The following USP34 variants were observed in gnomAD, a reference collection of about 807,000 sequenced individuals.
The protein encoded by USP34 is ubiquitin carboxyl-terminal hydrolase 34.
In USP34, 70 loss-of-function variants were observed where a neutral mutation model predicts 460.3. That is an observed-to-expected ratio of 0.15 (90% CI 0.13 to 0.19). USP34 has a LOEUF of 0.19. Among genes scored for constraint, USP34 ranks in the 10% least tolerant of loss-of-function variants. The pLI, the probability that USP34 is intolerant of heterozygous loss-of-function variation, is 1.00. For missense variants in USP34, 3,985 were observed against 4,236.2 expected (o/e 0.94, Z 1.65); for synonymous variants, 1,647 against 1,405.3 (o/e 1.17, Z -3.85).
chr2:61,219,927 A>G (rs934642937), intron 67 of USP34, among the ~76,000 whole-genome samples: 4 of 151,986 alleles, frequency 2.6e-5, no homozygotes, highest in Non-Finnish European at 4.4e-5. Context: ...TGTACAACTT[A>G]AAGTGTTTAT....
At chr2:61,267,760 C>A (rs12615222) in intron 41 of USP34, among the ~76,000 whole-genome samples, 1 of 151,700 alleles carries the variant, frequency 6.6e-6, no homozygotes. Context: ...ACTACAGGCG[C>A]CCACCACAAC....
At chr2:61,338,164 T>C (rs1025442665) in intron 18 of USP34, among the ~76,000 whole-genome samples, 1 of 151,986 alleles carries the variant, frequency 6.6e-6, no homozygotes, top group African/African-American at 2.4e-5. Context: ...TCTATGAAAG[T>C]ACAAAAATTA....
intron 1 of USP34, among the ~76,000 whole-genome samples, chr2:61,457,222 G>T (rs1695465977): frequency 1.3e-5 from 2 of 152,214 alleles, no homozygotes; most frequent in Non-Finnish European, 2.9e-5. Context: ...ACTACAGTGA[G>T]CCGTGATCGT....
chr2:61,460,471 C>T (rs546214185), intron 1 of USP34, among the ~76,000 whole-genome samples: 10 of 151,820 alleles, frequency 6.6e-5, no homozygotes, highest in Admixed American at 3.9e-4. Context: ...GCAAGAGCAG[C>T]GATACTAGTA....
chr2:61,245,705 G>T (rs1328840135), intron 50 of USP34, among the ~76,000 whole-genome samples: 1 of 152,006 alleles, frequency 6.6e-6, no homozygotes, highest in East Asian at 1.9e-4. Flanking sequence ...GGACCTGATG[G>T]GTGAAGGAGT....
intron 1 of USP34, among the ~76,000 whole-genome samples, chr2:61,439,187 C>T (rs940363356): frequency 1.3e-5 from 2 of 152,114 alleles, no homozygotes; most frequent in Non-Finnish European, 2.9e-5. Context: ...TGAGTTGGGA[C>T]GATTACTTGA....
At chr2:61,464,191 C>A (rs376929607) in intron 1 of USP34, among the ~76,000 whole-genome samples, 1 of 151,954 alleles carries the variant, frequency 6.6e-6, no homozygotes, top group South Asian at 2.1e-4. Flanking sequence ...TGGTGGCAGG[C>A]GCCTCTAATT....
At chr2:61,338,792 G>T (rs1691503372) in intron 18 of USP34, among the ~76,000 whole-genome samples, 1 of 152,002 alleles carries the variant, frequency 6.6e-6, no homozygotes, top group African/African-American at 2.4e-5. Flanking sequence ...ACACTAATCT[G>T]TTTAAAAACA....
At chr2:61,366,292 T>C (rs1243340603) in intron 10 of USP34, among the ~76,000 whole-genome samples, 1 of 152,116 alleles carries the variant, frequency 6.6e-6, no homozygotes. Flanking sequence ...AAGAAAGCTA[T>C]AGAGGAGGTA....
Position 61,365,290 on chromosome 2 carries a change from CACGT to C in USP34, c.1251+5027_1251+5030del, listed in dbSNP as rs772385000. Among the ~76,000 whole-genome samples the C allele has an allele frequency of 5.7e-3, 840 of 146,328 alleles. 9 individuals are homozygous for C. The highest frequency in any genetic ancestry group is 0.02 in the African/African-American group (778 of 39,092). The stretch of plus-strand genomic sequence containing the variant: ...ACACACACACACACACACACACACA[CACGT>C]GTGTTTATTTATAAATGTGTGTGTG... On this transcript the variant is annotated intron_variant, in intron 10 of 79. Coordinates refer to ENST00000398571, the MANE Select transcript of USP34 (RefSeq NM_014709.4).
chr2:61,192,845 T>C (rs1686682244), intron 76 of USP34, 56 bp downstream of exon 76: 1 of 1,461,172 alleles, frequency 6.8e-7, no homozygotes, highest in Non-Finnish European at 9.4e-7. Flanking sequence ...CTAAAATTAT[T>C]GACCACTTGG....
chr2:61,395,053 T>C, intron 4 of USP34, 51 bp from the exon 5 acceptor site: 1 of 1,532,580 alleles, frequency 6.5e-7, no homozygotes, highest in South Asian at 1.3e-5. Flanking sequence ...CAAATAATTT[T>C]TATCTTAGCA....
intron 33 of USP34, among the ~76,000 whole-genome samples, chr2:61,291,002 T>C (rs539818120): frequency 1.3e-5 from 2 of 152,146 alleles, no homozygotes; most frequent in South Asian, 4.1e-4. Context: ...CACAGGGTGC[T>C]CTCAAGAAAG....
intron 25 of USP34, among the ~76,000 whole-genome samples, chr2:61,312,140 G>T (rs1690612611): frequency 6.8e-6 from 1 of 147,800 alleles, no homozygotes; most frequent in Admixed American, 6.7e-5. Flanking sequence ...AGAAATTACT[G>T]AGGAAAAAAA....
chr2:61,412,117 A>C (rs185180774), intron 2 of USP34, among the ~76,000 whole-genome samples: 1 of 148,148 alleles, frequency 6.8e-6, no homozygotes, highest in East Asian at 2.1e-4. Context: ...TGAACCCAGG[A>C]GGCAGAGGCT....
At chr2:61,317,091 G>C (rs1387659695) in intron 23 of USP34, among the ~76,000 whole-genome samples, 3 of 152,022 alleles carry the variant, frequency 2.0e-5, no homozygotes, top group African/African-American at 7.2e-5. Flanking sequence ...GTATTATCTA[G>C]GAATGTCTAG....
chr2:61,287,968 C>T (rs1689738430), intron 34 of USP34, among the ~76,000 whole-genome samples: 2 of 152,202 alleles, frequency 1.3e-5, no homozygotes, highest in South Asian at 4.1e-4. Context: ...TCCTCCTTTG[C>T]CAGGTGGCTT....
In USP34 at chr2:61,408,971, C is replaced by T. The variant is rs1181155215; in HGVS notation, c.132-2843G>A. On this transcript the variant is annotated intron_variant, in intron 2 of 79. Coordinates refer to ENST00000398571, the MANE Select transcript of USP34 (RefSeq NM_014709.4). Reference sequence around the variant, plus strand: ...TGCGCTGTCTCAGCCTGTAATCCCACCACTTTGGGAGGCCAAAGTGGGCAG... The same window carrying T: ...TGCGCTGTCTCAGCCTGTAATCCCATCACTTTGGGAGGCCAAAGTGGGCAG... Among the ~76,000 whole-genome samples, 5 of 151,920 alleles carry T rather than the reference C, an allele frequency of 3.3e-5. No individual in the cohort carries two copies. The East Asian group carries it at 9.7e-4, about 29-fold the overall frequency.
intron 75 of USP34, among the ~76,000 whole-genome samples, chr2:61,199,813 TGA>T (rs1403190822): frequency 6.6e-6 from 1 of 152,056 alleles, no homozygotes; most frequent in Non-Finnish European, 1.5e-5. Flanking sequence ...TTTACTGTTG[TGA>T]AATAAGGGAG....
Sources: gnomAD v4.1 joint callset for allele counts (sites outside exome capture counted in the v4.1 genomes callset) on GRCh38, gnomAD v4.1.1 for gene constraint, MANE v1.5 for transcripts, NCBI Gene and HGNC (gene_info 2026-07-23, HGNC 2026-07-21) for gene names.